ADAMTS17: variants seen among roughly 807,000 people sequenced by gnomAD.
ADAMTS17 encodes ADAM metallopeptidase with thrombospondin type 1 motif 17.
A neutral mutation model predicts 141.5 loss-of-function variants in ADAMTS17; 113 were observed. The ratio of observed to expected loss-of-function variants is 0.80; its 90% CI spans 0.69 to 0.93. ADAMTS17 has a LOEUF of 0.93. Among genes scored for constraint, ADAMTS17 ranks in the 40% least tolerant of loss-of-function variants. The pLI, the probability that ADAMTS17 is intolerant of heterozygous loss-of-function variation, is 0.00. For missense variants in ADAMTS17, 1,659 were observed against 1,517.9 expected (o/e 1.09, Z -1.54); for synonymous variants, 768 against 630.6 (o/e 1.22, Z -3.27).
intron 20 of ADAMTS17, 130 bp from the exon 21 acceptor site, chr15:99,976,352 G>C: frequency 1.7e-6 from 2 of 1,200,908 alleles, no homozygotes; most frequent in South Asian, 1.3e-5. Context: ...GGGCTGGGAT[G>C]ATGGCCTCAC....
chr15:100,336,372 C>T (rs1250050373), intron 2 of ADAMTS17, among the ~76,000 whole-genome samples: 2 of 152,222 alleles, frequency 1.3e-5, no homozygotes, highest in Non-Finnish European at 2.9e-5. Context: ...AGGTGGCAGC[C>T]AGAGGCCTTA....
intron 10 of ADAMTS17, among the ~76,000 whole-genome samples, chr15:100,146,385 A>G (rs535931546): frequency 4.9e-4 from 74 of 152,316 alleles, no homozygotes; most frequent in African/African-American, 1.7e-3. Context: ...TGCAATCTCT[A>G]AACATAAATT....
intron 18 of ADAMTS17, among the ~76,000 whole-genome samples, chr15:100,017,239 GT>G (rs2061309089): frequency 6.6e-6 from 1 of 152,220 alleles, no homozygotes; most frequent in African/African-American, 2.4e-5. Flanking sequence ...CCCCGAGTCT[GT>G]TTCCAGGCAG....
In ADAMTS17 at chr15:99,972,493, T is replaced by TTTCA. The variant is rs1392425202; in HGVS notation, c.*1905_*1908dup. The TTTCA allele has an allele frequency of 6.6e-6, 1 of 152,160 alleles. No homozygotes were observed. The highest frequency in any genetic ancestry group is 2.4e-5 in the African/African-American group (1 of 41,428). The allele number at this position is 152,160 out of a possible 1,614,324, so 9.4% of individuals were successfully genotyped here. A position where few individuals can be genotyped will look rare whatever the true frequency, so the allele number is the denominator to read the frequency against. On this transcript the variant is annotated 3_prime_UTR_variant, in exon 22 of 22. Transcript: ENST00000268070. ...CCTTGGCTGCAAAAGTCTAAATGTC[T>TTTCA]TTCAGTGAATTAACAGTTCATTTGG...
intron 8 of ADAMTS17, among the ~76,000 whole-genome samples, chr15:100,157,484 C>T (rs370747198): frequency 6.6e-6 from 1 of 152,166 alleles, no homozygotes; most frequent in East Asian, 1.9e-4. Flanking sequence ...AAGGGAGTGT[C>T]TGCATCGCCA....
chr15:100,211,298 CAA>C (rs11323381), intron 7 of ADAMTS17, among the ~76,000 whole-genome samples: 1,528 of 95,794 alleles, frequency 0.016, 23 homozygotes, highest in African/African-American at 0.05. Flanking sequence ...AACTTCATCT[CAA>C]AAAAAAAAAA....
At chr15:100,209,947 C>T (rs2041736729) in intron 7 of ADAMTS17, among the ~76,000 whole-genome samples, 1 of 152,192 alleles carries the variant, frequency 6.6e-6, no homozygotes, top group Non-Finnish European at 1.5e-5. Context: ...AAATGTTCTT[C>T]ACCTTTCAAG....
intron 4 of ADAMTS17, among the ~76,000 whole-genome samples, chr15:100,264,488 G>A (rs537324227): frequency 2.6e-5 from 4 of 152,222 alleles, no homozygotes; most frequent in Admixed American, 6.5e-5. Flanking sequence ...TGCCTGTCAC[G>A]CCAAGCCCAG....
chr15:100,149,292 G>C (rs729478), intron 10 of ADAMTS17, among the ~76,000 whole-genome samples: 75,816 of 152,152 alleles, frequency 0.5, 19,354 homozygotes, highest in Non-Finnish European at 0.54. Flanking sequence ...GGAAGCATCT[G>C]GTCTTCTGCA....
chr15:100,002,133 A>G (rs1226631202), intron 18 of ADAMTS17, among the ~76,000 whole-genome samples: 1 of 151,966 alleles, frequency 6.6e-6, no homozygotes, highest in East Asian at 1.9e-4. Context: ...AAACATATTA[A>G]CTTCCCCATC....
intron 18 of ADAMTS17, among the ~76,000 whole-genome samples, chr15:100,003,487 C>T (rs1329925040): frequency 6.6e-6 from 1 of 152,058 alleles, no homozygotes; most frequent in Non-Finnish European, 1.5e-5. Context: ...TCCTGTTTTA[C>T]TCAGTTTTAA....
chr15:100,022,048 C>T (rs1474556595), intron 18 of ADAMTS17, among the ~76,000 whole-genome samples: 1 of 152,216 alleles, frequency 6.6e-6, no homozygotes, highest in African/African-American at 2.4e-5. Flanking sequence ...AGGCTCAGAT[C>T]TAGTTCGGGC....
chr15:100,341,279 G>C lies in ADAMTS17; in HGVS notation c.210C>G (p.Ala70=), dbSNP rs902318242. 8.5e-7 allele frequency: 1 copy of C among 1,177,624 alleles called. No individual in the cohort carries two copies. Among genetic ancestry groups the C allele is most frequent in the South Asian group, 3.7e-5 (1 of 26,702 alleles). 72.9% of individuals were successfully genotyped at this position (1,177,624 alleles called of 1,614,324 possible). ...GCTCTCCGGGCCGGGCGCGCGGGGCGGCTGGGGGCGTGCGGGGGCGTCGCC... is the reference window on the plus strand; with the variant it reads ...GCTCTCCGGGCCGGGCGCGCGGGGCCGCTGGGGGCGTGCGGGGGCGTCGCC... ...RRRRRPRTPP[A]APRARPGERA... The change falls in exon 2 of 22, where the codon GCC becomes GCG. Residue 70 remains alanine (A), a synonymous_variant. Transcript: ENST00000268070.
rs115107467 is a variant in ADAMTS17 at position 99,993,533 on chromosome 15, T to C, written c.2797-333A>G. Among the ~76,000 whole-genome samples the C allele has an allele frequency of 6.3e-3, 962 of 151,836 alleles. 9 individuals carry two copies. The highest frequency in any genetic ancestry group is 0.022 in the African/African-American group (919 of 41,408). On this transcript the variant is annotated intron_variant, in intron 19 of 21. Transcript: ENST00000268070. The surrounding 1 kb of genome is among the most constrained non-coding windows in gnomAD (Gnocchi z 4.3). Reference sequence around the variant, plus strand: ...GCAATACGTGAGCTCGAAGGGCAGGTGTGTGATGGAGCCATGAGTGGGGCA... The same window carrying C: ...GCAATACGTGAGCTCGAAGGGCAGGCGTGTGATGGAGCCATGAGTGGGGCA...
At chr15:100,094,074 G>A (rs2141007733) in intron 15 of ADAMTS17, among the ~76,000 whole-genome samples, 1 of 148,774 alleles carries the variant, frequency 6.7e-6, no homozygotes, top group Admixed American at 6.9e-5. Context: ...ACAGACTCCA[G>A]CTGTGAGGAT....
chr15:100,199,644 G>A (rs543390908), intron 7 of ADAMTS17, among the ~76,000 whole-genome samples: 10 of 152,262 alleles, frequency 6.6e-5, no homozygotes, highest in Admixed American at 1.3e-4. Flanking sequence ...TCTAATACGC[G>A]TCGGGGGTGT....
At chr15:100,130,363 C>CAA (rs753208963) in intron 12 of ADAMTS17, among the ~76,000 whole-genome samples, 138 of 106,040 alleles carry the variant, frequency 1.3e-3, no homozygotes, top group Admixed American at 3.4e-3. Context: ...GGCTCCATCT[C>CAA]AAAAAAAAAA....
At chr15:100,320,260 G>A (rs2045691947) in intron 3 of ADAMTS17, among the ~76,000 whole-genome samples, 1 of 152,146 alleles carries the variant, frequency 6.6e-6, no homozygotes, top group Admixed American at 6.5e-5. Context: ...AATTCCAGGA[G>A]AAGACGTAGG....
At chr15:100,127,748 A>G (rs560818013) in intron 12 of ADAMTS17, among the ~76,000 whole-genome samples, 1 of 149,732 alleles carries the variant, frequency 6.7e-6, no homozygotes, top group African/African-American at 2.4e-5. Context: ...CACCTGGCTA[A>G]TTTTCGTACT....
Sources: gnomAD v4.1 joint callset for allele counts (sites outside exome capture counted in the v4.1 genomes callset) on GRCh38, gnomAD v4.1.1 for gene constraint, Gnocchi (gnomAD v3.1) non-coding constraint, MANE v1.5 for transcripts, NCBI Gene and HGNC (gene_info 2026-07-23, HGNC 2026-07-21) for gene names.